The following PHF12 variants were observed in gnomAD, a reference collection of about 807,000 sequenced individuals.
PHF12 encodes PHD factor 1.
A neutral mutation model predicts 99.8 loss-of-function variants in PHF12; 6 were observed. That is an observed-to-expected ratio of 0.06 (90% CI 0.03 to 0.12). The LOEUF is 0.12. PHF12 is among the 10% of genes least tolerant of loss of function. The pLI is 1.00. For synonymous variants in PHF12, 480 were observed against 514.9 expected (o/e 0.93, Z 0.92); for missense variants, 954 against 1,300.1 (o/e 0.73, Z 4.09).
At chr17:28,912,122 T>C (rs562120783) in intron 9 of PHF12, 48 of 1,073,878 alleles carry the variant, frequency 4.5e-5, no homozygotes, top group South Asian at 7.9e-5. Flanking sequence ...AGGCTGATCA[T>C]AGTAATTCCA....
rs57036452 is a variant in PHF12 at position 28,919,847 on chromosome 17, C to T, written c.837-572G>A. ...TCTCTTCTAAGAAGAACATGTCTTG[C>T]GGGAAAGTGAATGTTTATTTGGAGT... is the stretch of plus-strand genomic sequence containing the variant. On this transcript the variant is annotated intron_variant, in intron 5 of 14. Transcript: ENST00000332830. Among the ~76,000 whole-genome samples the T allele has an allele frequency of 1.2e-3, 179 of 152,210 alleles. 1 individual carries two copies. Among genetic ancestry groups the T allele is most frequent in the African/African-American group, 3.9e-3 (160 of 41,520 alleles).
At chr17:28,939,475 G>A (rs984479749) in intron 2 of PHF12, among the ~76,000 whole-genome samples, 1 of 152,210 alleles carries the variant, frequency 6.6e-6, no homozygotes, top group African/African-American at 2.4e-5. Flanking sequence ...ACTGCTAATT[G>A]AAAAAGTTCA....
At chr17:28,915,222 G>A (rs2040041200) in intron 7 of PHF12, among the ~76,000 whole-genome samples, 1 of 152,182 alleles carries the variant, frequency 6.6e-6, no homozygotes, top group South Asian at 2.1e-4. Flanking sequence ...AAGGCATAGA[G>A]ATGTGATAGC....
chr17:28,924,471 T>A, intron 3 of PHF12, 169 bp from the exon 4 acceptor site: 1 of 838,986 alleles, frequency 1.2e-6, no homozygotes, highest in Non-Finnish European at 1.9e-6. Context: ...GACACAACTC[T>A]AACTGAACTA....
intron 2 of PHF12, chr17:28,945,296 T>A (rs1293292620): frequency 6.6e-6 from 1 of 152,168 alleles, no homozygotes; most frequent in Non-Finnish European, 1.5e-5. Flanking sequence ...AGTTTTCTAT[T>A]CTATGTGTGA....
At chr17:28,931,722 C>T (rs1435227118) in intron 2 of PHF12, among the ~76,000 whole-genome samples, 5 of 151,256 alleles carry the variant, frequency 3.3e-5, no homozygotes, top group Admixed American at 3.3e-4. Flanking sequence ...GCTGGGATTA[C>T]AGGTGCCTGC....
Position 28,950,548 on chromosome 17 carries a change from A to G in PHF12, c.67-302T>C. 1.9e-6 allele frequency: 1 copy of G among 520,842 alleles called. No individual in the cohort carries two copies. The highest frequency in any genetic ancestry group is 3.4e-6 in the Non-Finnish European group (1 of 294,086). 32.3% of individuals were successfully genotyped at this position (520,842 alleles called of 1,614,324 possible). ...CTTGTATGGACAGTGGGGGACTCCA[A>G]AGACCCGCTCGGGAGAGGCCCAAAG... On this transcript the variant is annotated intron_variant, in intron 1 of 14. Transcript: ENST00000332830. The surrounding 1 kb of genome is among the most constrained non-coding windows in gnomAD (Gnocchi z 5.7).
chr17:28,950,237 C>T lies in PHF12; in HGVS notation c.76G>A (p.Ala26Thr). ...TCCGTCTTGGGGGGAGCCAGCAGAG[C>T]TTGGATTTGCTGCACACACATACAA... ...TSGGLMEQIQ[A>T]LLAPPKTDEA... The change falls in exon 2 of 15, where the codon GCT becomes ACT. Residue 26 changes from alanine to threonine, a missense_variant. Coordinates refer to ENST00000332830, the MANE Select transcript of PHF12 (RefSeq NM_001033561.2). This position sits in a 1 kb window ranked among gnomAD's most constrained non-coding sequence, Gnocchi z 5.7. The T allele has an allele frequency of 6.2e-7, 1 of 1,608,778 alleles. No homozygotes were observed. The highest frequency in any genetic ancestry group is 8.5e-7 in the Non-Finnish European group (1 of 1,179,756).
At chr17:28,913,298 A>AG (rs771410322) in intron 8 of PHF12, 21 bp from the exon 9 acceptor site, 14 of 1,582,928 alleles carry the variant, frequency 8.8e-6, no homozygotes, top group South Asian at 1.2e-5. Context: ...AGGAGAGGAG[A>AG]GGGGGGTGAG....
rs1055758979 is a variant in PHF12, at chr17:28,906,659, G to A, written c.2681-142C>T. The A allele has an allele frequency of 8.2e-7, 1 of 1,218,614 alleles. No individual in the cohort carries two copies. Among genetic ancestry groups the A allele is most frequent in the African/African-American group, 1.5e-5 (1 of 65,546 alleles). 75.5% of individuals were successfully genotyped at this position (1,218,614 alleles called of 1,614,324 possible). ...GAAGGATGCTCAGAAAGGGTTGGTG[G>A]AGTCTGAAGTCCCCACAGGTGTGTA... On this transcript the variant is annotated intron_variant, in intron 14 of 14. Transcript: ENST00000332830. The surrounding 1 kb of genome is among the most constrained non-coding windows in gnomAD (Gnocchi z 4.2).
chr17:28,917,559 C>T, intron 6 of PHF12, 110 bp from the exon 7 acceptor site: 1 of 1,222,952 alleles, frequency 8.2e-7, no homozygotes, highest in South Asian at 1.5e-5. Context: ...CACATAGGTT[C>T]CCTCAATTAG....
chr17:28,928,826 G>A (rs916498050), intron 2 of PHF12, among the ~76,000 whole-genome samples: 1 of 152,058 alleles, frequency 6.6e-6, no homozygotes, highest in Middle Eastern at 3.4e-3. Flanking sequence ...GGCCAGGCAT[G>A]GTGGCTTACA....
chr17:28,949,985 G>C lies in PHF12; in HGVS notation c.248+80C>G. ...AGCGGCTGCAAGCGCCCGTTATTTCGGCAGTCAGGGGCAGGCCGGGTGAAG... is the reference window on the plus strand; with the variant it reads ...AGCGGCTGCAAGCGCCCGTTATTTCCGCAGTCAGGGGCAGGCCGGGTGAAG... On this transcript the variant is annotated intron_variant, in intron 2 of 14. Coordinates refer to ENST00000332830, the MANE Select transcript of PHF12 (RefSeq NM_001033561.2). This position sits in a 1 kb window ranked among gnomAD's most constrained non-coding sequence, Gnocchi z 4.6. 2 of 1,408,242 alleles carry C rather than the reference G, an allele frequency of 1.4e-6. No individual in the cohort carries two copies. The highest frequency in any genetic ancestry group is 9.4e-7 in the Non-Finnish European group (1 of 1,060,470). 87.2% of individuals were successfully genotyped at this position (1,408,242 alleles called of 1,614,324 possible).
chr17:28,914,413 C>T (rs902945169), intron 7 of PHF12, among the ~76,000 whole-genome samples: 4 of 152,058 alleles, frequency 2.6e-5, no homozygotes, highest in Admixed American at 2.0e-4. Context: ...TGGCTCACGC[C>T]TGTAATCCCA....
chr17:28,936,933 C>A (rs1366839724), intron 2 of PHF12, among the ~76,000 whole-genome samples: 1 of 150,160 alleles, frequency 6.7e-6, no homozygotes, highest in East Asian at 1.9e-4. Flanking sequence ...CGGCCCTCAT[C>A]CAGCTCAGAA....
At chr17:28,939,991 G>A (rs768982414) in intron 2 of PHF12, among the ~76,000 whole-genome samples, 4 of 152,186 alleles carry the variant, frequency 2.6e-5, no homozygotes, top group African/African-American at 4.8e-5. Flanking sequence ...ATTCAGGCAC[G>A]GAGTTGCTCC....
intron 2 of PHF12, among the ~76,000 whole-genome samples, chr17:28,940,093 G>C (rs770334450): frequency 2.0e-5 from 3 of 152,170 alleles, no homozygotes; most frequent in Non-Finnish European, 2.9e-5. Flanking sequence ...AGAAAACAGG[G>C]GAGAGGCAAA....
chr17:28,927,671 G>C (rs2040308450), intron 2 of PHF12: 1 of 152,666 alleles, frequency 6.6e-6, no homozygotes, highest in Non-Finnish European at 1.5e-5. Flanking sequence ...ACAGAATGCA[G>C]CAGAGGTGAC....
At position 28,911,152 on chromosome 17, in the gene PHF12, G is replaced by A; in HGVS notation, c.2175C>T (p.Asp725=). 6 of 1,614,190 alleles carry A rather than the reference G, an allele frequency of 3.7e-6. No homozygotes were observed. Among genetic ancestry groups the A allele is most frequent in the Non-Finnish European group, 5.1e-6 (6 of 1,180,024 alleles). The change falls in exon 10 of 15, where the codon GAC becomes GAT. Residue 725 remains aspartate (D), a synonymous_variant. Transcript: ENST00000332830. ...TAAATGCTCGAAGTGAGTTGGTGAG[G>A]TCCACCATGGCAGTAGAGTTGGCTG... The part of the protein sequence containing the change: ...SFPANSTAMV[D]LTNSLRAFMD...
Sources: gnomAD v4.1 joint callset for allele counts (sites outside exome capture counted in the v4.1 genomes callset) on GRCh38, gnomAD v4.1.1 for gene constraint, Gnocchi (gnomAD v3.1) non-coding constraint, MANE v1.5 for transcripts, NCBI Gene and HGNC (gene_info 2026-07-23, HGNC 2026-07-21) for gene names.